Variants in RNASEH2B observed in about 807,000 individuals in gnomAD.
The protein encoded by RNASEH2B is Aicardi-Goutieres syndrome 2 protein.
A neutral mutation model predicts 45.0 loss-of-function variants in RNASEH2B; 36 were observed. The observed-to-expected ratio is 0.80, with a 90% CI of 0.61 to 1.06. The LOEUF (loss-of-function observed/expected upper bound fraction) is 1.06, where lower values mean the gene tolerates loss of function less well. RNASEH2B is among the 50% of genes least tolerant of loss of function. The pLI is 0.00. For synonymous variants in RNASEH2B, 119 were observed against 125.7 expected, an observed-to-expected ratio of 0.95 and a Z score of 0.35; for missense variants, 361 against 360.3, an observed-to-expected ratio of 1.00 and a Z score of -0.02.
chr13:50,910,207 GCGCCGCCCCCCACCC>G, intron 1 of RNASEH2B, 67 bp downstream of exon 1: 1 of 1,183,576 alleles, frequency 8.4e-7, no homozygotes, highest in South Asian at 2.1e-5. Context: ...GACCCCGGGC[GCGCCGCCCCCCACCC>G]CGGTGGCTCC....
intron 1 of RNASEH2B, among the ~76,000 whole-genome samples, chr13:50,922,379 T>C (rs1951536161): frequency 6.6e-6 from 1 of 152,220 alleles, no homozygotes; most frequent in Admixed American, 6.5e-5. Flanking sequence ...GGCCTCAGTG[T>C]CTCACCTCTG....
intron 1 of RNASEH2B, among the ~76,000 whole-genome samples, chr13:50,920,333 C>T (rs572889899): frequency 2.3e-4 from 35 of 152,168 alleles, no homozygotes; most frequent in Admixed American, 5.2e-4. Context: ...CAAGTGTGAG[C>T]CACCGTGCCT....
At chr13:50,938,527 A>G (rs922704066) in intron 5 of RNASEH2B, 1 of 152,116 alleles carries the variant, frequency 6.6e-6, no homozygotes, top group Non-Finnish European at 1.5e-5. Context: ...ACTGGTTTTG[A>G]GGAAGACAAT....
At chr13:50,933,974 T>TA (rs1173432246) in intron 4 of RNASEH2B, 2 of 152,220 alleles carry the variant, frequency 1.3e-5, no homozygotes, top group East Asian at 3.8e-4. Flanking sequence ...GAGAAGATTT[T>TA]ACCCTTAAAA....
chr13:50,970,132 C>G, exon 10 of RNASEH2B: 1 of 702,228 alleles, frequency 1.4e-6, no homozygotes, highest in South Asian at 1.6e-5. Flanking sequence ...TACCACTAGT[C>G]TATGTGGGCA....
chr13:50,931,641 T>C (rs1435281995), intron 4 of RNASEH2B, among the ~76,000 whole-genome samples: 1 of 152,216 alleles, frequency 6.6e-6, no homozygotes, highest in East Asian at 1.9e-4. Flanking sequence ...ATGAAAAATA[T>C]GCGGCCCCAT....
chr13:50,966,514 A>T (rs1401184323), intron 9 of RNASEH2B, among the ~76,000 whole-genome samples: 1 of 147,938 alleles, frequency 6.8e-6, no homozygotes, highest in Admixed American at 6.7e-5. Context: ...CAAGCCATAT[A>T]TTTTTTTTTT....
At chr13:50,959,372 TAGAA>T (rs1270341337), downstream of RNASEH2B, 2 of 152,208 alleles carry the variant, frequency 1.3e-5, no homozygotes, top group Non-Finnish European at 2.9e-5. Context: ...ATATTGTACT[TAGAA>T]AGATATTTCA....
chr13:50,934,880 T>G lies in RNASEH2B; in HGVS notation c.322-5T>G, dbSNP rs761515995. 33 of 1,597,446 alleles carry G rather than the reference T, an allele frequency of 2.1e-5. No homozygotes were observed. In the South Asian group the frequency reaches 3.3e-4, roughly 16 times the overall value. The stretch of plus-strand genomic sequence containing the variant: ...TGCTTGCTTTCCAACTAACTGTTTT[T>G]TCAGGGGAAGTTTCAGCCCCTTGAT... On this transcript the variant is annotated splice_region_variant and splice_polypyrimidine_tract_variant and intron_variant, in intron 4 of 10. Transcript: ENST00000336617.
At position 50,956,056 on chromosome 13, in the gene RNASEH2B, T is replaced by C. The variant is rs534535172; in HGVS notation, c.823-302T>C. On this transcript the variant is annotated intron_variant, in intron 10 of 10. Transcript: ENST00000336617. ...CGGCCTGTGTCAGTTCCATTGTTTG[T>C]GTTATTGTACTTTATGCACCCTCCA... 3.4e-5 allele frequency: 10 copies of C among 292,520 alleles called. No homozygotes were observed. The East Asian group carries it at 7.9e-4, about 23-fold the overall frequency. The allele number at this position is 292,520 out of a possible 1,614,324, so 18.1% of individuals were successfully genotyped here. A position where few individuals can be genotyped will look rare whatever the true frequency, so the allele number is the denominator to read the frequency against.
chr13:50,953,936 C>A lies in RNASEH2B; in HGVS notation c.773C>A (p.Ala258Glu). The A allele has an allele frequency of 6.2e-7, 1 of 1,607,870 alleles. No homozygotes were observed. The highest frequency in any genetic ancestry group is 8.5e-7 in the Non-Finnish European group (1 of 1,174,546). Residue 258 changes from alanine (A) to glutamate (E), a missense_variant, in exon 10 of 11, where the codon GCA becomes GAA. Ala to Glu is a moderately radical substitution (Grantham distance 107). Transcript: ENST00000336617. ...AAGTTATCAGATGAGCCTGTAGAAG[C>A]AAAAGAAGATTACACTAAGTTTAAT... is the stretch of plus-strand genomic sequence containing the variant. Reference protein sequence around the residue: ...KIKLSDEPVEAKEDYTKFNTK... With the variant: ...KIKLSDEPVEEKEDYTKFNTK...
intron 9 of RNASEH2B, among the ~76,000 whole-genome samples, chr13:50,963,355 G>A (rs1025196273): frequency 2.0e-5 from 3 of 151,850 alleles, no homozygotes; most frequent in Non-Finnish European, 2.9e-5. Context: ...GTAGAGATGG[G>A]GTTTCTCCAT....
intron 4 of RNASEH2B, among the ~76,000 whole-genome samples, chr13:50,933,168 A>G (rs1752330659): frequency 6.6e-6 from 1 of 152,212 alleles, no homozygotes; most frequent in African/African-American, 2.4e-5. Flanking sequence ...TTCTAGGATA[A>G]ATTAATGAGC....
Position 50,943,302 on chromosome 13 carries a change from G to A in RNASEH2B, c.437-19G>A. ...TTTTTTTTTTAATTCATTGTGCTGAGTCTTTTTTTTCTTTTAAGGTAATCC... is the reference window on the plus strand; with the variant it reads ...TTTTTTTTTTAATTCATTGTGCTGAATCTTTTTTTTCTTTTAAGGTAATCC... On this transcript the variant is annotated intron_variant, in intron 5 of 10. Coordinates refer to ENST00000336617, the MANE Select transcript of RNASEH2B (RefSeq NM_024570.4). 1 of 1,383,674 alleles carries A rather than the reference G, an allele frequency of 7.2e-7. No individual in the cohort carries two copies. Among genetic ancestry groups the A allele is most frequent in the Non-Finnish European group, 1.0e-6 (1 of 973,426 alleles). 85.7% of individuals were successfully genotyped at this position (1,383,674 alleles called of 1,614,324 possible).
chr13:50,927,240 G>T (rs1951609606), intron 1 of RNASEH2B, 167 bp from the exon 2 acceptor site: 3 of 554,358 alleles, frequency 5.4e-6, no homozygotes, highest in Non-Finnish European at 3.3e-6. Context: ...ACTGCAACTT[G>T]CAGAGAAATT....
At chr13:50,945,566 T>C (rs1951890755) in intron 7 of RNASEH2B, 34 bp downstream of exon 7, 1 of 1,471,186 alleles carries the variant, frequency 6.8e-7, no homozygotes, top group Non-Finnish European at 9.5e-7. Flanking sequence ...AAGATTTTTG[T>C]CTGGAGTAAG....
chr13:50,970,318 G>T, exon 10 of RNASEH2B: 1 of 477,404 alleles, frequency 2.1e-6, no homozygotes, highest in Non-Finnish European at 3.6e-6. Context: ...TGAAAGCTTT[G>T]GCAAACCAAG....
chr13:50,947,386 A>AGTGT lies in RNASEH2B; in HGVS notation c.617-566_617-563dup, dbSNP rs34501133. Among the ~76,000 whole-genome samples, 1,320 of 145,978 alleles carry AGTGT rather than the reference A, an allele frequency of 9.0e-3. 9 individuals are homozygous for AGTGT. The highest frequency in any genetic ancestry group is 0.017 in the African/African-American group (680 of 39,544). ...AGTTTAAGTATTTTATTAGTTTGGG[A>AGTGT]GTGTGTGTGTGTGTGTGTGTGTGTG... On this transcript the variant is annotated intron_variant, in intron 7 of 10. Coordinates refer to ENST00000336617, the MANE Select transcript of RNASEH2B (RefSeq NM_024570.4).
Position 50,910,121 on chromosome 13 carries a change from G to A in RNASEH2B, c.45G>A (p.Gln15=). ...GCGGGGACGGGGTTGGCGCCCGGCA[G>A]CACGTGTTCCTGGTTTCAGGTAAAC... ...VDCGDGVGAR[Q]HVFLVSEYLK... Residue 15 remains glutamine, a synonymous_variant, in exon 1 of 11, where the codon CAG becomes CAA. Transcript: ENST00000336617. The A allele has an allele frequency of 6.9e-7, 1 of 1,459,422 alleles. No individual in the cohort carries two copies. The highest frequency in any genetic ancestry group is 9.0e-7 in the Non-Finnish European group (1 of 1,107,414). The allele number at this position is 1,459,422 out of a possible 1,614,324, so 90.4% of individuals were successfully genotyped here.
Sources: gnomAD v4.1 joint callset for allele counts (sites outside exome capture counted in the v4.1 genomes callset) on GRCh38, gnomAD v4.1.1 for gene constraint, MANE v1.5 for transcripts, NCBI Gene and HGNC (gene_info 2026-07-23, HGNC 2026-07-21) for gene names.